Variants in EEA1 observed in about 807,000 individuals in gnomAD.
EEA1 encodes early endosome antigen 1, 162kD.
A neutral mutation model predicts 209.2 loss-of-function variants in EEA1; 111 were observed. The observed-to-expected ratio is 0.53, with a 90% CI of 0.45 to 0.62. The LOEUF (loss-of-function observed/expected upper bound fraction) is 0.62, where lower values mean the gene tolerates loss of function less well. Among genes scored for constraint, EEA1 ranks in the 20% least tolerant of loss-of-function variants. The probability of loss-of-function intolerance (pLI) is 0.00; values close to 1 mark genes in which losing one functional copy is unlikely to be tolerated. For missense variants in EEA1, 1,343 were observed against 1,530.8 expected (o/e 0.88, Z 2.05); for synonymous variants, 536 against 540.6 (o/e 0.99, Z 0.12).
At chr12:92,806,487 C>T (rs1237254000) in intron 18 of EEA1, among the ~76,000 whole-genome samples, 1 of 152,040 alleles carries the variant, frequency 6.6e-6, no homozygotes, top group Non-Finnish European at 1.5e-5. Flanking sequence ...TGAATTGAAC[C>T]CCAAATGAAA....
intron 1 of EEA1, among the ~76,000 whole-genome samples, chr12:92,900,351 A>T (rs975475722): frequency 3.3e-5 from 5 of 152,122 alleles, no homozygotes; most frequent in Non-Finnish European, 5.9e-5. Context: ...AGCAGGCCTC[A>T]GTCTCTACAG....
chr12:92,816,279 AG>A lies in EEA1; in HGVS notation c.1849del (p.Leu617PhefsTer3). The A allele has an allele frequency of 6.2e-7, 1 of 1,614,002 alleles. No individual in the cohort carries two copies. Among genetic ancestry groups the A allele is most frequent in the Non-Finnish European group, 8.5e-7 (1 of 1,179,906 alleles). On this transcript the variant is annotated frameshift_variant, in exon 15 of 29. Coordinates refer to ENST00000322349, the MANE Select transcript of EEA1 (RefSeq NM_003566.4). LOFTEE classifies it high-confidence loss of function. ...AHLRAAQDRV[L>X]SLETSVNELN... ...TTCATTGACACTAGTTTCTAGGGAA[AG>A]GACACGGTCTTGTGCAGCTCTAAGA...
At chr12:92,794,867 ACTT>A (rs1874587946) in intron 21 of EEA1, among the ~76,000 whole-genome samples, 1 of 151,028 alleles carries the variant, frequency 6.6e-6, no homozygotes, top group Non-Finnish European at 1.5e-5. Flanking sequence ...GTAAACTAGA[ACTT>A]AAATAAAAGA....
At chr12:92,928,430 T>TA (rs953063977) in intron 1 of EEA1, among the ~76,000 whole-genome samples, 29 of 151,560 alleles carry the variant, frequency 1.9e-4, no homozygotes, top group South Asian at 6.3e-4. Flanking sequence ...TATTTTTAAT[T>TA]AAAAAAAAAG....
intron 5 of EEA1, among the ~76,000 whole-genome samples, chr12:92,856,084 G>T (rs1877866865): frequency 6.6e-6 from 1 of 152,060 alleles, no homozygotes; most frequent in African/African-American, 2.4e-5. Flanking sequence ...TGGTGCAAAG[G>T]CTTTAAAAAG....
chr12:92,788,157 T>C, intron 21 of EEA1, 108 bp from the exon 22 acceptor site: 1 of 893,900 alleles, frequency 1.1e-6, no homozygotes, highest in South Asian at 3.7e-5. Context: ...TAAGATGAAC[T>C]GTACTTATGC....
At chr12:92,790,644 T>G (rs183336902) in intron 21 of EEA1, among the ~76,000 whole-genome samples, 16 of 152,312 alleles carry the variant, frequency 1.1e-4, no homozygotes, top group African/African-American at 3.8e-4. Context: ...AATCTACATT[T>G]GATTGGTGTA....
At chr12:92,878,227 C>G (rs756785397) in intron 2 of EEA1, among the ~76,000 whole-genome samples, 3 of 151,976 alleles carry the variant, frequency 2.0e-5, no homozygotes, top group Non-Finnish European at 2.9e-5. Context: ...ATAGCAAGAC[C>G]CCTCGCTACA....
intron 10 of EEA1, among the ~76,000 whole-genome samples, chr12:92,836,598 T>C (rs910438669): frequency 1.3e-5 from 2 of 152,224 alleles, no homozygotes; most frequent in Non-Finnish European, 1.5e-5. Context: ...TCTCTTATTT[T>C]ATGAGATACA....
chr12:92,790,585 A>G (rs1485520086), intron 21 of EEA1, among the ~76,000 whole-genome samples: 1 of 152,180 alleles, frequency 6.6e-6, no homozygotes, highest in African/African-American at 2.4e-5. Flanking sequence ...GTTAGAGTAA[A>G]AAGAAATGAA....
Position 92,929,103 on chromosome 12 carries a change from C to T in EEA1, c.-37G>A. ...CACCCGGCGCCGCCGCGGTGACTCT[C>T]CAGACCCTGCGCGGGGCCACTCACT... On this transcript the variant is annotated 5_prime_UTR_variant, in exon 1 of 29. Coordinates refer to ENST00000322349, the MANE Select transcript of EEA1 (RefSeq NM_003566.4). 2 of 1,571,362 alleles carry T rather than the reference C, an allele frequency of 1.3e-6. No homozygotes were observed. Among genetic ancestry groups the T allele is most frequent in the Non-Finnish European group, 1.7e-6 (2 of 1,159,332 alleles).
At chr12:92,869,396 AC>A (rs1011437064) in intron 2 of EEA1, among the ~76,000 whole-genome samples, 1 of 152,022 alleles carries the variant, frequency 6.6e-6, no homozygotes, top group African/African-American at 2.4e-5. Flanking sequence ...CTAAGAACTT[AC>A]CTTAACTGGA....
In EEA1 at chr12:92,832,501, A is replaced by G; in HGVS notation, c.1254+11T>C. The G allele has an allele frequency of 2.5e-6, 4 of 1,584,244 alleles. No homozygotes were observed. The highest frequency in any genetic ancestry group is 2.3e-5 in the South Asian group (2 of 85,820). On this transcript the variant is annotated intron_variant, in intron 11 of 28. Coordinates refer to ENST00000322349, the MANE Select transcript of EEA1 (RefSeq NM_003566.4). ...GGGAGAATTACAATAAATAAAATTA[A>G]CAGCTCTTACTTGATTAATTTCACT...
intron 1 of EEA1, among the ~76,000 whole-genome samples, chr12:92,892,234 G>A (rs1413690988): frequency 1.3e-5 from 2 of 151,992 alleles, no homozygotes; most frequent in Non-Finnish European, 2.9e-5. Context: ...GGGACCACAG[G>A]TGCACACCAC....
At chr12:92,925,653 C>G (rs1337613576) in intron 1 of EEA1, among the ~76,000 whole-genome samples, 1 of 152,158 alleles carries the variant, frequency 6.6e-6, no homozygotes, top group South Asian at 2.1e-4. Flanking sequence ...GTAAAATATT[C>G]AATACATACA....
At chr12:92,894,091 A>T (rs1324177683) in intron 1 of EEA1, among the ~76,000 whole-genome samples, 1 of 152,156 alleles carries the variant, frequency 6.6e-6, no homozygotes, top group Non-Finnish European at 1.5e-5. Context: ...TATTATTATC[A>T]TATCTGTTAT....
intron 1 of EEA1, among the ~76,000 whole-genome samples, chr12:92,909,954 T>C (rs1441519661): frequency 6.6e-6 from 1 of 151,048 alleles, no homozygotes; most frequent in East Asian, 2.0e-4. Context: ...ACCAGCCTGG[T>C]CAATGTGGAG....
chr12:92,790,468 G>T (rs1362323001), intron 21 of EEA1, among the ~76,000 whole-genome samples: 1 of 152,016 alleles, frequency 6.6e-6, no homozygotes, highest in Non-Finnish European at 1.5e-5. Flanking sequence ...ACCATGGCAC[G>T]AGAACTTCAT....
intron 22 of EEA1, among the ~76,000 whole-genome samples, chr12:92,784,266 C>T (rs558300947): frequency 2.6e-5 from 4 of 152,126 alleles, no homozygotes; most frequent in Non-Finnish European, 5.9e-5. Context: ...GGAGAGTATA[C>T]GCTATGTGCC....
Sources: gnomAD v4.1 joint callset for allele counts (sites outside exome capture counted in the v4.1 genomes callset) on GRCh38, gnomAD v4.1.1 for gene constraint, MANE v1.5 for transcripts, NCBI Gene and HGNC (gene_info 2026-07-23, HGNC 2026-07-21) for gene names.